OTOA: variants seen among roughly 807,000 people sequenced by gnomAD.
The protein encoded by OTOA is cancer/testis antigen 108.
In OTOA, 70 loss-of-function variants were observed where a neutral mutation model predicts 110.8. The ratio of observed to expected loss-of-function variants is 0.63; its 90% CI spans 0.52 to 0.77. The LOEUF (loss-of-function observed/expected upper bound fraction) is 0.77, where lower values mean the gene tolerates loss of function less well. Among genes scored for constraint, OTOA ranks in the 30% least tolerant of loss-of-function variants. OTOA has a pLI of 0.00. For synonymous variants in OTOA, 373 were observed against 431.5 expected, an observed-to-expected ratio of 0.86 and a Z score of 1.68; for missense variants, 917 against 1,075.8, an observed-to-expected ratio of 0.85 and a Z score of 2.06.
At chr16:21,685,482 T>TGA in intron 7 of OTOA, 121 bp downstream of exon 7, 1 of 1,411,918 alleles carries the variant, frequency 7.1e-7, no homozygotes. Flanking sequence ...TCTCTCCTTC[T>TGA]GCCTCCTCCA....
chr16:21,678,106 G>A (rs1006973722), intron 1 of OTOA, among the ~76,000 whole-genome samples: 2 of 151,702 alleles, frequency 1.3e-5, no homozygotes, highest in Admixed American at 6.6e-5. Flanking sequence ...GGCTGGTCTC[G>A]AACTCCTGAC....
At chr16:21,664,986 A>G (rs904506411) in intron 1 of OTOA, among the ~76,000 whole-genome samples, 189 of 149,164 alleles carry the variant, frequency 1.3e-3, no homozygotes, top group African/African-American at 4.4e-3. Context: ...ATGAATAAAT[A>G]AATAAATAAA....
chr16:21,725,365 A>G (rs1000699393), intron 18 of OTOA, among the ~76,000 whole-genome samples: 4 of 151,890 alleles, frequency 2.6e-5, no homozygotes, highest in African/African-American at 9.7e-5. Flanking sequence ...GCTCACTGCA[A>G]CCTCTGTCTC....
intron 7 of OTOA, 91 bp from the exon 8 acceptor site, chr16:21,687,322 T>G (rs1354368510): frequency 8.8e-6 from 9 of 1,018,160 alleles, no homozygotes; most frequent in Admixed American, 3.4e-5. Flanking sequence ...TGATCCTGAC[T>G]TTCCCCACTG....
At chr16:21,721,207 G>A (rs117263962) in intron 17 of OTOA, 29 of 422,886 alleles carry the variant, frequency 6.9e-5, no homozygotes, top group Non-Finnish European at 1.2e-4. Context: ...GAGCCACCAC[G>A]CCCATTCTGA....
intron 17 of OTOA, among the ~76,000 whole-genome samples, chr16:21,720,381 T>C (rs956333714): frequency 1.3e-5 from 2 of 152,210 alleles, no homozygotes; most frequent in Non-Finnish European, 2.9e-5. Context: ...AACTCTGGCC[T>C]TGTGTTTCAG....
intron 13 of OTOA, among the ~76,000 whole-genome samples, chr16:21,711,349 T>C (rs1898348457): frequency 6.6e-6 from 1 of 152,166 alleles, no homozygotes; most frequent in African/African-American, 2.4e-5. Context: ...TCTTAATCTG[T>C]GTTCTTGCTG....
At chr16:21,759,317 A>G (rs1326824598) in intron 28 of OTOA, among the ~76,000 whole-genome samples, 4 of 152,058 alleles carry the variant, frequency 2.6e-5, no homozygotes, top group African/African-American at 9.7e-5. Context: ...AAAGCTTATT[A>G]TACACCTTAT....
At chr16:21,675,151 T>TTCTC (rs1202603333) in intron 1 of OTOA, among the ~76,000 whole-genome samples, 1 of 147,776 alleles carries the variant, frequency 6.8e-6, no homozygotes, top group Non-Finnish European at 1.5e-5. Context: ...TTCTTTTTCT[T>TTCTC]TCTCTCTCTC....
intron 17 of OTOA, 88 bp from the exon 18 acceptor site, chr16:21,722,817 C>T (rs1033919388): frequency 6.0e-6 from 7 of 1,164,732 alleles, no homozygotes; most frequent in Middle Eastern, 1.9e-4. Flanking sequence ...ACGTATGAAG[C>T]ACTTAGAATA....
intron 6 of OTOA, among the ~76,000 whole-genome samples, chr16:21,684,992 C>G (rs1221555577): frequency 2.0e-5 from 3 of 151,982 alleles, no homozygotes; most frequent in Non-Finnish European, 4.4e-5. Context: ...CCTCGTGATC[C>G]ACCCGCCTCG....
intron 1 of OTOA, among the ~76,000 whole-genome samples, chr16:21,671,480 A>G (rs1009255865): frequency 1.3e-5 from 2 of 151,562 alleles, no homozygotes. Flanking sequence ...CTAGCTACTC[A>G]GGAGGCTGAG....
chr16:21,674,881 AT>A (rs1057322271), intron 1 of OTOA, among the ~76,000 whole-genome samples: 1 of 40,240 alleles, frequency 2.5e-5, no homozygotes, highest in East Asian at 8.8e-4. Flanking sequence ...TTTTTGCTGG[AT>A]TTTTTTTAAA....
intron 8 of OTOA, 25 bp downstream of exon 8, chr16:21,687,673 T>C: frequency 1.6e-5 from 25 of 1,570,518 alleles, no homozygotes; most frequent in Non-Finnish European, 2.2e-5. Context: ...CGAACTTTTT[T>C]TTTTTTTTTT....
intron 1 of OTOA, among the ~76,000 whole-genome samples, chr16:21,665,430 C>T (rs1288295895): frequency 6.6e-6 from 1 of 152,150 alleles, no homozygotes; most frequent in East Asian, 1.9e-4. Flanking sequence ...GTACTTAGTT[C>T]TGTCTCATTA....
chr16:21,670,225 C>A (rs1966847241), intron 1 of OTOA, among the ~76,000 whole-genome samples: 1 of 152,036 alleles, frequency 6.6e-6, no homozygotes, highest in East Asian at 1.9e-4. Context: ...TCAGAGCGCT[C>A]ACAATGGCCT....
intron 18 of OTOA, among the ~76,000 whole-genome samples, chr16:21,724,760 C>CATTA (rs1002940902): frequency 2.0e-4 from 30 of 152,126 alleles, no homozygotes; most frequent in Middle Eastern, 3.4e-3. Context: ...TTCTTCCTTA[C>CATTA]ATTAATTAAT....
chr16:21,719,982 G>T, intron 17 of OTOA, among the ~76,000 whole-genome samples: 1 of 148,562 alleles, frequency 6.7e-6, no homozygotes, highest in Non-Finnish European at 1.5e-5. Flanking sequence ...TTGAGACACA[G>T]TCTTGCCCTG....
chr16:21,759,059 G>T (rs462249), intron 28 of OTOA, among the ~76,000 whole-genome samples: 1 of 151,790 alleles, frequency 6.6e-6, no homozygotes, highest in Non-Finnish European at 1.5e-5. Context: ...GCATATATTT[G>T]AAAGTTATTT....
Sources: gnomAD v4.1 joint callset for allele counts (sites outside exome capture counted in the v4.1 genomes callset) on GRCh38, gnomAD v4.1.1 for gene constraint, MANE v1.5 for transcripts, NCBI Gene and HGNC (gene_info 2026-07-23, HGNC 2026-07-21) for gene names.